The following DNM2 variants were observed in gnomAD, a reference collection of about 807,000 sequenced individuals.
The protein encoded by DNM2 is dynamin 2, also known as dynamin-2.
A neutral mutation model predicts 99.0 loss-of-function variants in DNM2; 15 were observed. The observed-to-expected ratio is 0.15, with a 90% CI of 0.10 to 0.23. The LOEUF (loss-of-function observed/expected upper bound fraction) is 0.23, where lower values mean the gene tolerates loss of function less well. DNM2 is among the 10% of genes least tolerant of loss of function. DNM2 has a pLI of 1.00. For missense variants in DNM2, 742 were observed against 1,189.4 expected, an observed-to-expected ratio of 0.62 and a Z score of 5.53; for synonymous variants, 525 against 481.2, an observed-to-expected ratio of 1.09 and a Z score of -1.19.
chr19:10,723,106 C>T (rs938117383), intron 1 of DNM2, among the ~76,000 whole-genome samples: 90 of 149,636 alleles, frequency 6.0e-4, no homozygotes, highest in African/African-American at 2.2e-3. Context: ...GCTGGGACTA[C>T]AGTTGCGAGC....
chr19:10,744,099 A>G (rs1178600633), intron 1 of DNM2, among the ~76,000 whole-genome samples: 1 of 152,106 alleles, frequency 6.6e-6, no homozygotes, highest in Non-Finnish European at 1.5e-5. Context: ...CGGAGGTTGC[A>G]ATGAGCCAAG....
At chr19:10,805,711 G>A (rs758382979) in intron 12 of DNM2, among the ~76,000 whole-genome samples, 19 of 152,156 alleles carry the variant, frequency 1.2e-4, no homozygotes, top group Admixed American at 1.2e-3. Context: ...GGGCCTAGAA[G>A]CCTCAATTGA....
In DNM2 at chr19:10,760,523, C is replaced by T. The variant is rs149403157; in HGVS notation, c.235+712C>T. On this transcript the variant is annotated intron_variant, in intron 2 of 20. Transcript: ENST00000389253. ...ACGAGTCATTCCCGCATGTCATCCA[C>T]GTCCCAGTTTCTACTCAGCATGTCG... 5.2e-4 allele frequency among the ~76,000 whole-genome samples: 79 copies of T among 152,232 alleles called. No homozygotes were observed. In the Middle Eastern group the frequency reaches 0.01, roughly 20 times the overall value.
At chr19:10,727,204 A>G (rs1182325367) in intron 1 of DNM2, among the ~76,000 whole-genome samples, 2 of 152,128 alleles carry the variant, frequency 1.3e-5, no homozygotes, top group African/African-American at 4.8e-5. Flanking sequence ...TAGGCTGTCC[A>G]AGTGCTTTTT....
Position 10,754,497 on chromosome 19 carries a change from C to T in DNM2, c.162-5241C>T, listed in dbSNP as rs373384348. ...TGATCTGCTGACCTCATAATCTGCC[C>T]GCCTCAGCCTCCCAAAGTGCTGGGA... On this transcript the variant is annotated intron_variant, in intron 1 of 20. Transcript: ENST00000389253. 2.6e-5 allele frequency among the ~76,000 whole-genome samples: 4 copies of T among 152,140 alleles called. 1 individual carries two copies. The highest frequency in any genetic ancestry group is 1.9e-4 in the East Asian group (1 of 5,184).
At chr19:10,729,487 T>C (rs1049199599) in intron 1 of DNM2, among the ~76,000 whole-genome samples, 1 of 152,034 alleles carries the variant, frequency 6.6e-6, no homozygotes, top group Non-Finnish European at 1.5e-5. Context: ...TGCAGTGGAA[T>C]AGCCCCGCCA....
chr19:10,726,509 T>C (rs1474609109), intron 1 of DNM2, among the ~76,000 whole-genome samples: 27 of 152,116 alleles, frequency 1.8e-4, no homozygotes, highest in Admixed American at 1.8e-3. Flanking sequence ...TCCTGAAATA[T>C]CGACCAGAAG....
intron 13 of DNM2, among the ~76,000 whole-genome samples, chr19:10,807,143 G>A (rs2072365242): frequency 6.6e-6 from 1 of 152,094 alleles, no homozygotes; most frequent in Admixed American, 6.6e-5. Context: ...CGCAATCTTG[G>A]CTCACTGCAA....
rs2146150516 is a variant in DNM2 at position 10,818,991 on chromosome 19, G to T, written c.1672-989G>T. ...CACACACATCACTGGGTGAGTGTGG[G>T]ACTCCAGGGTGCCACCCCCAGCTCC... On this transcript the variant is annotated intron_variant, in intron 15 of 20. Transcript: ENST00000389253. The surrounding 1 kb of genome is among the most constrained non-coding windows in gnomAD (Gnocchi z 4.3). Among the ~76,000 whole-genome samples, 1 of 152,214 alleles carries T rather than the reference G, an allele frequency of 6.6e-6. No individual in the cohort carries two copies. The highest frequency in any genetic ancestry group is 2.1e-4 in the South Asian group (1 of 4,826).
intron 1 of DNM2, among the ~76,000 whole-genome samples, chr19:10,729,798 C>G (rs2069247551): frequency 6.6e-6 from 1 of 152,262 alleles, no homozygotes; most frequent in Admixed American, 6.5e-5. Context: ...AGCCAGACCC[C>G]TCTGGTGTTT....
At chr19:10,821,973 G>A (rs1336185351) in intron 16 of DNM2, among the ~76,000 whole-genome samples, 1 of 152,166 alleles carries the variant, frequency 6.6e-6, no homozygotes, top group Non-Finnish European at 1.5e-5. Flanking sequence ...GAGGTCGTTC[G>A]GGGCAGCCAC....
At chr19:10,774,769 T>C (rs943350416) in intron 3 of DNM2, among the ~76,000 whole-genome samples, 12 of 148,608 alleles carry the variant, frequency 8.1e-5, no homozygotes, top group African/African-American at 2.0e-4. Flanking sequence ...TGTTTCTTTA[T>C]TATATATTTA....
At chr19:10,822,025 G>A (rs2072988151) in intron 16 of DNM2, among the ~76,000 whole-genome samples, 1 of 152,148 alleles carries the variant, frequency 6.6e-6, no homozygotes, top group African/African-American at 2.4e-5. Flanking sequence ...GGCTTTGTGG[G>A]CAGCTTGGCT....
chr19:10,762,331 C>T (rs187461461), intron 2 of DNM2, among the ~76,000 whole-genome samples: 1 of 152,182 alleles, frequency 6.6e-6, no homozygotes, highest in Non-Finnish European at 1.5e-5. Context: ...AGCCACTGGG[C>T]CCGGCCACAA....
chr19:10,806,030 T>C, intron 13 of DNM2, 63 bp downstream of exon 13: 1 of 1,606,612 alleles, frequency 6.2e-7, no homozygotes, highest in South Asian at 1.1e-5. Context: ...AAGTGACAGC[T>C]AAGCCCCCGT....
intron 1 of DNM2, among the ~76,000 whole-genome samples, chr19:10,719,950 C>G (rs2068881552): frequency 6.6e-6 from 1 of 152,174 alleles, no homozygotes. Flanking sequence ...GCTACCTTGT[C>G]TCTAGCTCAT....
At chr19:10,738,333 G>A (rs957457024) in intron 1 of DNM2, among the ~76,000 whole-genome samples, 1 of 152,148 alleles carries the variant, frequency 6.6e-6, no homozygotes, top group Admixed American at 6.6e-5. Context: ...AGGGCACGAG[G>A]TGGCAGGGCA....
chr19:10,753,665 T>C (rs1167397471), intron 1 of DNM2, among the ~76,000 whole-genome samples: 1 of 151,800 alleles, frequency 6.6e-6, no homozygotes, highest in African/African-American at 2.4e-5. Flanking sequence ...TTGTTTTGTT[T>C]TTTTCCCCCG....
intron 12 of DNM2, among the ~76,000 whole-genome samples, chr19:10,803,937 G>T (rs920897030): frequency 2.0e-5 from 3 of 152,204 alleles, no homozygotes; most frequent in Non-Finnish European, 2.9e-5. Context: ...GAGGGTAGGG[G>T]ATAGACTATG....
Sources: allele counts gnomAD v4.1 joint callset (sites outside exome capture counted in the v4.1 genomes callset), GRCh38; gene constraint gnomAD v4.1.1; non-coding constraint Gnocchi (gnomAD v3.1); transcripts MANE v1.5; gene names NCBI Gene and HGNC (gene_info 2026-07-23, HGNC 2026-07-21).